The following TNFSF4 variants were observed in gnomAD, a reference collection of about 807,000 sequenced individuals.
TNFSF4 encodes the protein tumor necrosis factor ligand superfamily member 4.
In TNFSF4, 4 loss-of-function variants were observed where a neutral mutation model predicts 7.3. That is an observed-to-expected ratio of 0.55 (90% confidence interval 0.27 to 1.25). TNFSF4 has a LOEUF of 1.25. TNFSF4 is among the 50% of genes most tolerant of loss of function. The pLI is 0.12. For missense variants in TNFSF4, 181 were observed against 208.8 expected (o/e 0.87, Z 0.82); for synonymous variants, 76 against 83.7 (o/e 0.91, Z 0.50).
At chr1:173,182,931 C>T (rs975908086), downstream of TNFSF4, among the ~76,000 whole-genome samples, 9 of 152,184 alleles carry the variant, frequency 5.9e-5, no homozygotes, top group Non-Finnish European at 8.8e-5. Context: ...AGCTGCCACT[C>T]TGTTTGGGAA....
At chr1:173,251,560 G>A in the TNFSF4 span, among the ~76,000 whole-genome samples, 1 of 152,188 alleles carries the variant, frequency 6.6e-6, no homozygotes, top group East Asian at 1.9e-4. Flanking sequence ...CCAGGGGGAG[G>A]GTATGTGAGG....
the TNFSF4 span, among the ~76,000 whole-genome samples, chr1:173,402,447 A>T: frequency 6.6e-6 from 1 of 152,128 alleles, no homozygotes; most frequent in Non-Finnish European, 1.5e-5. Flanking sequence ...ACCCAACCAG[A>T]GGTAATAATT....
the TNFSF4 span, among the ~76,000 whole-genome samples, chr1:173,333,144 T>C: frequency 6.6e-6 from 1 of 152,078 alleles, no homozygotes; most frequent in Non-Finnish European, 1.5e-5. Context: ...CTAGGATAGG[T>C]GTAGTTAACT....
At chr1:173,250,915 G>A in the TNFSF4 span, among the ~76,000 whole-genome samples, 1 of 152,096 alleles carries the variant, frequency 6.6e-6, no homozygotes, top group Non-Finnish European at 1.5e-5. Flanking sequence ...ATAATAGGAA[G>A]ACTAAAATTA....
chr1:173,349,589 T>A, the TNFSF4 span, among the ~76,000 whole-genome samples: 7 of 152,210 alleles, frequency 4.6e-5, no homozygotes, highest in African/African-American at 1.7e-4. Context: ...ACTTTTCCCA[T>A]GACAGTGTGG....
the TNFSF4 span, among the ~76,000 whole-genome samples, chr1:173,283,017 C>A: frequency 6.6e-6 from 1 of 152,170 alleles, no homozygotes; most frequent in African/African-American, 2.4e-5. Context: ...AGCACCAATT[C>A]TGTCCCAGAT....
chr1:173,370,216 A>G, the TNFSF4 span, among the ~76,000 whole-genome samples: 1 of 152,184 alleles, frequency 6.6e-6, no homozygotes, highest in Non-Finnish European at 1.5e-5. Context: ...TCACTTGGAG[A>G]GATGTCATGC....
At chr1:173,281,890 ATT>A in the TNFSF4 span, among the ~76,000 whole-genome samples, 12 of 152,188 alleles carry the variant, frequency 7.9e-5, no homozygotes, top group African/African-American at 2.9e-4. Flanking sequence ...GAGAATAAGA[ATT>A]TGTCCAGTCA....
chr1:173,225,680 G>T, the TNFSF4 span, among the ~76,000 whole-genome samples: 3 of 152,192 alleles, frequency 2.0e-5, no homozygotes, highest in African/African-American at 7.2e-5. Context: ...CTGAGGACTA[G>T]CTTCCCTTAA....
At chr1:173,326,265 C>A in the TNFSF4 span, among the ~76,000 whole-genome samples, 1 of 152,124 alleles carries the variant, frequency 6.6e-6, no homozygotes, top group South Asian at 2.1e-4. Flanking sequence ...AAGACAAAAA[C>A]CACATGATTA....
At chr1:173,401,533 A>G in the TNFSF4 span, among the ~76,000 whole-genome samples, 1 of 151,966 alleles carries the variant, frequency 6.6e-6, no homozygotes, top group East Asian at 1.9e-4. Context: ...AAAAGGAAGA[A>G]CTCACTCCTT....
the TNFSF4 span, among the ~76,000 whole-genome samples, chr1:173,243,001 G>T: frequency 2.3e-5 from 2 of 85,868 alleles, no homozygotes; most frequent in South Asian, 1.2e-3. Context: ...AGAAGTTGGT[G>T]GGTGGGGGGG....
chr1:173,317,669 T>C, the TNFSF4 span, among the ~76,000 whole-genome samples: 14,586 of 152,226 alleles, frequency 0.096, 815 homozygotes, highest in Middle Eastern at 0.13. Flanking sequence ...AAAAAAGCCC[T>C]GCAATGAATG....
chr1:173,221,768 C>T, the TNFSF4 span, among the ~76,000 whole-genome samples: 1 of 152,142 alleles, frequency 6.6e-6, no homozygotes, highest in African/African-American at 2.4e-5. Context: ...AGAGGTTATG[C>T]AACTTGGCCT....
At chr1:173,370,319 A>T in the TNFSF4 span, among the ~76,000 whole-genome samples, 1 of 152,152 alleles carries the variant, frequency 6.6e-6, no homozygotes, top group Non-Finnish European at 1.5e-5. Flanking sequence ...TAGTCAAGTA[A>T]ATGATACAAT....
At chr1:173,349,190 G>T in the TNFSF4 span, among the ~76,000 whole-genome samples, 6 of 151,850 alleles carry the variant, frequency 4.0e-5, no homozygotes, top group African/African-American at 1.2e-4. Flanking sequence ...TGCCACGCCC[G>T]GCTAATTTTT....
chr1:173,383,966 T>C, the TNFSF4 span, among the ~76,000 whole-genome samples: 6 of 152,246 alleles, frequency 3.9e-5, no homozygotes, highest in African/African-American at 1.2e-4. Flanking sequence ...TGACAACTTA[T>C]GTTGTTATCG....
chr1:173,267,917 A>AACAGGG, the TNFSF4 span, among the ~76,000 whole-genome samples: 4 of 122,750 alleles, frequency 3.3e-5, no homozygotes, highest in African/African-American at 8.9e-5. Flanking sequence ...AAAGAGAAGG[A>AACAGGG]GAGGAAGTAT....
chr1:173,403,457 T>A, the TNFSF4 span, among the ~76,000 whole-genome samples: 1 of 152,246 alleles, frequency 6.6e-6, no homozygotes, highest in African/African-American at 2.4e-5. Context: ...ATTTGTAGGA[T>A]AATTTACCTC....
Sources: allele counts gnomAD v4.1 joint callset (sites outside exome capture counted in the v4.1 genomes callset), GRCh38; gene constraint gnomAD v4.1.1; transcripts MANE v1.5; gene names NCBI Gene and HGNC (gene_info 2026-07-23, HGNC 2026-07-21).